The following FBXO34 variants were observed in gnomAD, a reference collection of about 807,000 sequenced individuals.
The protein encoded by FBXO34 is F-box protein 34.
Under a neutral mutation model 24.5 loss-of-function variants are expected in FBXO34, and 12 were observed. That is an observed-to-expected ratio of 0.49 (90% CI 0.31 to 0.79). The LOEUF is 0.79. Among genes scored for constraint, FBXO34 ranks in the 30% least tolerant of loss-of-function variants. The probability of loss-of-function intolerance (pLI) is 0.04; values close to 1 mark genes in which losing one functional copy is unlikely to be tolerated. For missense variants in FBXO34, 823 were observed against 857.7 expected (o/e 0.96, Z 0.51); for synonymous variants, 320 against 311.9 (o/e 1.03, Z -0.27).
chr14:55,437,117 C>A, the FBXO34 span: 38 of 1,063,626 alleles, frequency 3.6e-5, no homozygotes, highest in Non-Finnish European at 4.7e-5. Flanking sequence ...GCAATGTATT[C>A]AGTGTAAGAG....
chr14:55,344,238 CA>C, intron 1 of FBXO34, among the ~76,000 whole-genome samples: 1 of 152,278 alleles, frequency 6.6e-6, no homozygotes, highest in Non-Finnish European at 1.5e-5. Flanking sequence ...TTCCTCACAG[CA>C]GGGTCACCAG....
intron 1 of FBXO34, among the ~76,000 whole-genome samples, chr14:55,298,321 G>A (rs777505610): frequency 6.6e-6 from 1 of 152,062 alleles, no homozygotes; most frequent in Non-Finnish European, 1.5e-5. Context: ...GACACCCCTG[G>A]TGTAGTGGTT....
chr14:55,385,923 G>A, the FBXO34 span: 5 of 1,614,138 alleles, frequency 3.1e-6, no homozygotes, highest in East Asian at 2.2e-5. Flanking sequence ...ATATGGGATC[G>A]TCGAAGATTT....
chr14:55,419,138 G>A, the FBXO34 span, among the ~76,000 whole-genome samples: 1 of 152,270 alleles, frequency 6.6e-6, no homozygotes, highest in Non-Finnish European at 1.5e-5. Flanking sequence ...AGGTGTTATT[G>A]TAGACTTGCA....
the FBXO34 span, among the ~76,000 whole-genome samples, chr14:55,415,031 A>G: frequency 5.3e-5 from 8 of 152,228 alleles, no homozygotes; most frequent in African/African-American, 9.6e-5. Context: ...TAGGAATTAC[A>G]GGGATAAAAA....
At chr14:55,289,481 G>A (rs1489566421) in intron 1 of FBXO34, among the ~76,000 whole-genome samples, 15 of 152,156 alleles carry the variant, frequency 9.9e-5, no homozygotes, top group Admixed American at 7.2e-4. Context: ...AGTGTTACCA[G>A]TTTCTTATCT....
downstream of FBXO34, among the ~76,000 whole-genome samples, chr14:55,357,038 CTG>C (rs1356647368): frequency 6.6e-6 from 1 of 152,154 alleles, no homozygotes. Context: ...GTCAAGGTAC[CTG>C]TGTGGGAGAT....
intron 3 of FBXO34, among the ~76,000 whole-genome samples, chr14:55,360,274 T>C (rs28849529): frequency 2.6e-5 from 4 of 152,042 alleles, no homozygotes; most frequent in Admixed American, 2.6e-4. Flanking sequence ...GGTTTTACCA[T>C]GTTGGCCAGG....
the FBXO34 span, among the ~76,000 whole-genome samples, chr14:55,441,015 T>A: frequency 2.0e-5 from 3 of 151,970 alleles, no homozygotes; most frequent in Admixed American, 2.0e-4. Flanking sequence ...ACCTGCTAAT[T>A]TTTGTATTTT....
chr14:55,332,344 A>G (rs1883624336), intron 1 of FBXO34, among the ~76,000 whole-genome samples: 1 of 152,066 alleles, frequency 6.6e-6, no homozygotes, highest in Non-Finnish European at 1.5e-5. Context: ...AGCAATAATT[A>G]TGGCAAATGT....
the FBXO34 span, among the ~76,000 whole-genome samples, chr14:55,413,023 T>A: frequency 6.6e-6 from 1 of 152,220 alleles, no homozygotes; most frequent in African/African-American, 2.4e-5. Context: ...CTCCTCCGTC[T>A]TCTTAATCTT....
chr14:55,436,956 T>C, the FBXO34 span: 1 of 1,614,216 alleles, frequency 6.2e-7, no homozygotes, highest in East Asian at 2.2e-5. Context: ...ATGCATTCAG[T>C]ATGTACATAT....
chr14:55,350,747 A>G lies in FBXO34; in HGVS notation c.357A>G (p.Lys119=), dbSNP rs780533017. 4 of 1,609,408 alleles carry G rather than the reference A, an allele frequency of 2.5e-6. No individual in the cohort carries two copies. The South Asian group carries it at 3.3e-5, about 13-fold the overall frequency. Residue 119 remains lysine, a synonymous_variant, in exon 2 of 2, where the codon AAA becomes AAG. Coordinates refer to ENST00000313833, the MANE Select transcript of FBXO34 (RefSeq NM_017943.4). ...AVVKPGNTKE[K]IAFFASHQCS... ...TGAAACCTGGAAATACCAAGGAAAA[A>G]ATTGCATTCTTTGCATCCCACCAGT...
chr14:55,393,882 T>TA, the FBXO34 span, among the ~76,000 whole-genome samples: 2 of 152,182 alleles, frequency 1.3e-5, no homozygotes, highest in South Asian at 4.1e-4. Context: ...ATATTTAAAA[T>TA]ACATAAATGA....
At chr14:55,369,595 T>G (rs1399128542), downstream of FBXO34, 15 of 1,465,442 alleles carry the variant, frequency 1.0e-5, no homozygotes, top group African/African-American at 1.4e-5. Context: ...TGATGCAGAT[T>G]TGGTATGTTT....
At chr14:55,373,864 C>T (rs1364589192), downstream of FBXO34, among the ~76,000 whole-genome samples, 1 of 151,462 alleles carries the variant, frequency 6.6e-6, no homozygotes, top group Non-Finnish European at 1.5e-5. Flanking sequence ...CCGGTCTGAA[C>T]AGAAACAGGA....
chr14:55,376,659 C>T, the FBXO34 span, among the ~76,000 whole-genome samples: 2,984 of 152,186 alleles, frequency 0.02, 78 homozygotes, highest in African/African-American at 0.068. Context: ...TGTTAGTGGA[C>T]GAGGCCTCCC....
intron 1 of FBXO34, among the ~76,000 whole-genome samples, chr14:55,289,723 A>G (rs1035105350): frequency 6.6e-6 from 1 of 151,800 alleles, no homozygotes; most frequent in Non-Finnish European, 1.5e-5. Context: ...TTATTTATTT[A>G]TTTTTGTAGA....
chr14:55,380,439 C>T, the FBXO34 span: 138 of 620,224 alleles, frequency 2.2e-4, no homozygotes, highest in South Asian at 2.1e-3. Flanking sequence ...AAATTAATCT[C>T]AATATTTCAA....
Sources: gnomAD v4.1 joint callset for allele counts (sites outside exome capture counted in the v4.1 genomes callset) on GRCh38, gnomAD v4.1.1 for gene constraint, MANE v1.5 for transcripts, NCBI Gene and HGNC (gene_info 2026-07-23, HGNC 2026-07-21) for gene names.